The following FRY variants were observed in gnomAD, a reference collection of about 807,000 sequenced individuals.
FRY encodes the protein FRY microtubule binding protein, also known as protein furry homolog.
Under a neutral mutation model 348.4 loss-of-function variants are expected in FRY, and 128 were observed. The observed-to-expected ratio is 0.37, with a 90% CI of 0.32 to 0.43. FRY has a LOEUF of 0.43. FRY is among the 20% of genes least tolerant of loss of function. FRY has a pLI of 1.00. For synonymous variants in FRY, 1,370 were observed against 1,374.7 expected (o/e 1.00, Z 0.08); for missense variants, 2,736 against 3,695.2 (o/e 0.74, Z 6.73).
chr13:32,262,455 C>A lies in FRY; in HGVS notation c.7759C>A (p.Gln2587Lys). The A allele has an allele frequency of 6.2e-7, 1 of 1,613,226 alleles. No individual in the cohort carries two copies. Among genetic ancestry groups the A allele is most frequent in the Non-Finnish European group, 8.5e-7 (1 of 1,179,272 alleles). The change falls in exon 53 of 61, where the codon CAG becomes AAG. Residue 2587 changes from glutamine to lysine, a missense_variant. Gln to Lys is a moderately conservative substitution (Grantham distance 53). Around this residue, in one of 9 missense-constraint regions of FRY, gnomAD observed 789 missense variants for 996.2 expected, o/e 0.79. Transcript: ENST00000542859. The part of the protein sequence containing the change: ...DASLPDMNNL[Q>K]ISEGSKAEAV... Reference sequence around the variant, plus strand: ...TTCCTTGCCTGATATGAATAATCTGCAGATTTCTGAGGGTTCAAAGGTGAA... The same window carrying A: ...TTCCTTGCCTGATATGAATAATCTGAAGATTTCTGAGGGTTCAAAGGTGAA...
chr13:32,122,637 T>A (rs911328833), intron 4 of FRY, among the ~76,000 whole-genome samples: 12 of 152,236 alleles, frequency 7.9e-5, no homozygotes, highest in African/African-American at 2.9e-4. Flanking sequence ...AAGACAAGGA[T>A]ACCTACTGTC....
intron 1 of FRY, among the ~76,000 whole-genome samples, chr13:32,045,410 T>C (rs985920324): frequency 7.2e-5 from 11 of 152,236 alleles, no homozygotes; most frequent in South Asian, 6.2e-4. Flanking sequence ...TATCTGCTGC[T>C]ACTGCCTTTC....
At position 32,171,065 on chromosome 13, in the gene FRY, A is replaced by G; in HGVS notation, c.1946A>G (p.Gln649Arg). ...ELRHIAQNSL[Q>R]GLLVDFSDWR... ...CGACATATTGCACAAAATTCTCTTC[A>G]GGGTTTACTTGTTGACTTCTCAGAT... The change falls in exon 18 of 61, where the codon CAG becomes CGG. Residue 649 changes from glutamine (Q) to arginine (R), a missense_variant. By Grantham distance (43) the Gln-to-Arg change is conservative. Transcript: ENST00000542859. 6.2e-7 allele frequency: 1 copy of G among 1,611,560 alleles called. No homozygotes were observed. The highest frequency in any genetic ancestry group is 8.5e-7 in the Non-Finnish European group (1 of 1,177,672).
chr13:32,130,910 G>A (rs1252672465), intron 7 of FRY, among the ~76,000 whole-genome samples: 2 of 151,812 alleles, frequency 1.3e-5, no homozygotes, highest in African/African-American at 4.8e-5. Context: ...CTGCCTCCCG[G>A]GTTCAAGTGA....
At chr13:32,250,778 A>G (rs1566168930) in intron 49 of FRY, among the ~76,000 whole-genome samples, 1 of 152,240 alleles carries the variant, frequency 6.6e-6, no homozygotes, top group Non-Finnish European at 1.5e-5. Flanking sequence ...AACATGTAGC[A>G]TAGTGCCGGC....
At chr13:32,247,955 C>G (rs2138496986) in intron 48 of FRY, among the ~76,000 whole-genome samples, 1 of 152,254 alleles carries the variant, frequency 6.6e-6, no homozygotes, top group East Asian at 1.9e-4. Context: ...AAACTAAATT[C>G]TTGCCTTGAA....
chr13:32,107,564 C>G (rs1423835072), intron 3 of FRY, among the ~76,000 whole-genome samples: 2 of 152,130 alleles, frequency 1.3e-5, no homozygotes, highest in African/African-American at 4.8e-5. Flanking sequence ...CAGCACCTAC[C>G]TCCTGGCAAC....
chr13:32,119,333 G>A (rs1317812664), intron 4 of FRY, among the ~76,000 whole-genome samples: 3 of 152,174 alleles, frequency 2.0e-5, no homozygotes, highest in African/African-American at 7.2e-5. Flanking sequence ...TGATTTCTGA[G>A]ATTAGTACAG....
chr13:32,292,806 A>AAAT (rs1351786731), intron 59 of FRY, among the ~76,000 whole-genome samples: 3 of 151,426 alleles, frequency 2.0e-5, no homozygotes, highest in Non-Finnish European at 4.4e-5. Flanking sequence ...ATAAATAAAT[A>AAAT]AATAAATAAA....
chr13:32,127,003 T>A (rs1159878180), intron 7 of FRY, among the ~76,000 whole-genome samples: 1 of 152,216 alleles, frequency 6.6e-6, no homozygotes, highest in Non-Finnish European at 1.5e-5. Flanking sequence ...CTATTTTTAG[T>A]CTTACTAGTG....
At chr13:32,110,040 A>G (rs1195495384) in intron 3 of FRY, among the ~76,000 whole-genome samples, 1 of 152,212 alleles carries the variant, frequency 6.6e-6, no homozygotes, top group African/African-American at 2.4e-5. Flanking sequence ...ACTGGAGGTT[A>G]GCAGCTAGGA....
At chr13:32,198,523 G>A (rs1883821873) in intron 29 of FRY, among the ~76,000 whole-genome samples, 2 of 152,194 alleles carry the variant, frequency 1.3e-5, no homozygotes, top group African/African-American at 4.8e-5. Context: ...GTAAGAGCTT[G>A]AATTCTTTGA....
intron 51 of FRY, 53 bp downstream of exon 51, chr13:32,254,447 G>A: frequency 6.8e-7 from 1 of 1,467,896 alleles, no homozygotes; most frequent in Non-Finnish European, 9.6e-7. Context: ...CTTGACTAAT[G>A]AAACTATTCT....
At chr13:32,243,712 C>T (rs1566162582) in intron 46 of FRY, among the ~76,000 whole-genome samples, 1 of 152,106 alleles carries the variant, frequency 6.6e-6, no homozygotes, top group Admixed American at 6.6e-5. Context: ...TTTATACTTA[C>T]ATATTTACAC....
At chr13:32,104,862 G>C (rs1204925688) in intron 3 of FRY, among the ~76,000 whole-genome samples, 1 of 152,166 alleles carries the variant, frequency 6.6e-6, no homozygotes, top group African/African-American at 2.4e-5. Context: ...TCTCTTGCCT[G>C]CTGCCATTGT....
chr13:32,204,363 T>C (rs1884229684), intron 31 of FRY, among the ~76,000 whole-genome samples: 1 of 152,202 alleles, frequency 6.6e-6, no homozygotes, highest in Non-Finnish European at 1.5e-5. Context: ...AATAATTTGC[T>C]CGAGACCATA....
At chr13:32,227,887 G>C (rs1885671941) in intron 39 of FRY, among the ~76,000 whole-genome samples, 1 of 151,972 alleles carries the variant, frequency 6.6e-6, no homozygotes, top group Non-Finnish European at 1.5e-5. Context: ...GAGTAGCTGG[G>C]ACTACAGGTG....
chr13:32,047,587 G>GT (rs1334279675), intron 1 of FRY, among the ~76,000 whole-genome samples: 4 of 147,614 alleles, frequency 2.7e-5, no homozygotes, highest in Admixed American at 6.8e-5. Context: ...TTTTTGGGGG[G>GT]GGTGCAGAGT....
intron 1 of FRY, among the ~76,000 whole-genome samples, chr13:32,064,910 T>G (rs917453138): frequency 2.6e-5 from 4 of 152,226 alleles, no homozygotes; most frequent in South Asian, 2.1e-4. Context: ...TCATGTCATA[T>G]GATAAAAGAT....
Sources: gnomAD v4.1 joint callset for allele counts (sites outside exome capture counted in the v4.1 genomes callset) on GRCh38, gnomAD v4.1.1 for gene constraint, gnomAD v4.1.1 regional missense constraint, MANE v1.5 for transcripts, NCBI Gene and HGNC (gene_info 2026-07-23, HGNC 2026-07-21) for gene names.